SPTB: variants seen among roughly 807,000 people sequenced by gnomAD.
SPTB encodes spectrin beta, erythrocytic.
In SPTB, 45 loss-of-function variants were observed where a neutral mutation model predicts 256.2. The observed-to-expected ratio is 0.18, with a 90% confidence interval of 0.14 to 0.23. The LOEUF is 0.23. Among genes scored for constraint, SPTB ranks in the 10% least tolerant of loss-of-function variants. The pLI is 1.00. For synonymous variants in SPTB, 1,231 were observed against 1,243.1 expected (o/e 0.99, Z 0.21); for missense variants, 2,715 against 3,040.4 (o/e 0.89, Z 2.52).
intron 30 of SPTB, 92 bp from the exon 31 acceptor site, chr14:64,767,444 A>C (rs1056816496): frequency 6.4e-5 from 98 of 1,535,240 alleles, no homozygotes; most frequent in Middle Eastern, 3.4e-4. Context: ...CTGCACCCCC[A>C]CATGCCCTGA....
In SPTB at chr14:64,793,511, T is replaced by C. The variant is rs769054911; in HGVS notation, c.2152A>G (p.Ile718Val). The C allele has an allele frequency of 3.7e-6, 6 of 1,614,148 alleles. No homozygotes were observed. The South Asian group carries it at 6.6e-5, about 18-fold the overall frequency. The change falls in exon 14 of 36, where the codon ATA becomes GTA. Residue 718 changes from isoleucine to valine, a missense_variant. This residue lies in a region of SPTB where 2,239 missense variants were observed against 2,384.4 expected (regional missense o/e 0.94). Coordinates refer to ENST00000644917, the MANE Select transcript of SPTB (RefSeq NM_001355436.2). This position sits in a 1 kb window ranked among gnomAD's most constrained non-coding sequence, Gnocchi z 7.0. ...TCCCACTGTGCCGACACCTCCTTTATGCGGGCCTCGATCTGCGGGTGCCCA... is the reference window on the plus strand; with the variant it reads ...TCCCACTGTGCCGACACCTCCTTTACGCGGGCCTCGATCTGCGGGTGCCCA... ...QFGHPQIEAR[I>V]KEVSAQWDQL...
chr14:64,769,767 G>A (rs781234026), intron 27 of SPTB, 39 bp from the exon 28 acceptor site: 8 of 1,613,650 alleles, frequency 5.0e-6, no homozygotes, highest in Non-Finnish European at 8.5e-7. Flanking sequence ...GGAACTCTGG[G>A]TCACTCTGGC....
At chr14:64,814,022 G>A (rs1310990936) in intron 2 of SPTB, among the ~76,000 whole-genome samples, 1 of 152,216 alleles carries the variant, frequency 6.6e-6, no homozygotes, top group East Asian at 1.9e-4. Context: ...CTGGTTTTGT[G>A]AACAGCGATT....
chr14:64,874,621 G>C (rs1313043750), intron 1 of SPTB, among the ~76,000 whole-genome samples: 1 of 152,106 alleles, frequency 6.6e-6, no homozygotes, highest in Non-Finnish European at 1.5e-5. Context: ...AAACAGGCTG[G>C]GACTCAAAAG....
At chr14:64,770,825 T>C in intron 27 of SPTB, 60 bp downstream of exon 27, 3 of 1,612,478 alleles carry the variant, frequency 1.9e-6, no homozygotes, top group Non-Finnish European at 2.5e-6. Flanking sequence ...AGCACCCTGG[T>C]TGGCCGGGCT....
At position 64,787,157 on chromosome 14, in the gene SPTB, C is replaced by G. The variant is rs199733111; in HGVS notation, c.2808G>C (p.Trp936Cys). Reference protein sequence around the residue: ...KQYQDHLNTRWQAFQTLVSER... With the variant: ...KQYQDHLNTRCQAFQTLVSER... ...CCGACACCAGGGTCTGAAATGCCTG[C>G]CACCTGCCGGATGGGGACACAGCCC... is the stretch of plus-strand genomic sequence containing the variant. The change falls in exon 16 of 36, where the codon TGG (tryptophan) becomes TGC (cysteine). Residue 936 changes from tryptophan (W) to cysteine (C), a missense_variant. Physicochemically the swap from Trp to Cys is radical, Grantham distance 215. This residue lies in a region of SPTB where 2,239 missense variants were observed against 2,384.4 expected (regional missense o/e 0.94). Coordinates refer to ENST00000644917, the MANE Select transcript of SPTB (RefSeq NM_001355436.2). 29 of 1,604,168 alleles carry G rather than the reference C, an allele frequency of 1.8e-5. No homozygotes were observed. The highest frequency in any genetic ancestry group is 3.3e-4 in the Middle Eastern group (2 of 6,080).
chr14:64,802,410 C>T lies in SPTB; in HGVS notation c.475-93G>A, dbSNP rs549558345. 6 of 1,187,366 alleles carry T rather than the reference C, an allele frequency of 5.1e-6. No individual in the cohort carries two copies. The highest frequency in any genetic ancestry group is 1.3e-5 in the South Asian group (1 of 77,798). 73.6% of individuals were successfully genotyped at this position (1,187,366 alleles called of 1,614,324 possible). Reference sequence around the variant, plus strand: ...CTGGGAGGCTCCCTCCCTCATCCCCCCTTCACTTAACACTAATTCATCCTT... The same window carrying T: ...CTGGGAGGCTCCCTCCCTCATCCCCTCTTCACTTAACACTAATTCATCCTT... On this transcript the variant is annotated intron_variant, in intron 4 of 35. Transcript: ENST00000644917. The surrounding 1 kb of genome is among the most constrained non-coding windows in gnomAD (Gnocchi z 5.1).
chr14:64,765,668 G>A (rs1442740571), intron 32 of SPTB, among the ~76,000 whole-genome samples: 1 of 152,252 alleles, frequency 6.6e-6, no homozygotes, highest in Admixed American at 6.5e-5. Context: ...CTGACCCACA[G>A]GCCTCAGGCC....
At chr14:64,859,391 C>T (rs1381869127) in intron 1 of SPTB, among the ~76,000 whole-genome samples, 1 of 152,114 alleles carries the variant, frequency 6.6e-6, no homozygotes, top group Non-Finnish European at 1.5e-5. Context: ...TTATATATTG[C>T]TAAGTTAAAC....
intron 22 of SPTB, among the ~76,000 whole-genome samples, chr14:64,776,608 T>C (rs1238199765): frequency 1.6e-5 from 2 of 128,098 alleles, no homozygotes; most frequent in East Asian, 3.5e-4. Flanking sequence ...ATCTGGCTAA[T>C]TTTTTGTATT....
rs887240065 is a variant in SPTB at position 64,796,493 on chromosome 14, G to A, written c.1341+64C>T. 81 of 1,610,554 alleles carry A rather than the reference G, an allele frequency of 5.0e-5. No homozygotes were observed. In the African/African-American group the frequency reaches 9.9e-4, roughly 20 times the overall value. On this transcript the variant is annotated intron_variant, in intron 11 of 35. Transcript: ENST00000644917. The surrounding 1 kb of genome is among the most constrained non-coding windows in gnomAD (Gnocchi z 4.1). ...AGAAGCCAGCTTGGACTCCAGCCCAGCCAAGAGCTGGGGGCTCTGAAGAAT... is the reference window on the plus strand; with the variant it reads ...AGAAGCCAGCTTGGACTCCAGCCCAACCAAGAGCTGGGGGCTCTGAAGAAT...
At position 64,847,407 on chromosome 14, in the gene SPTB, G is replaced by A. The variant is rs1244900885; in HGVS notation, c.-51-24262C>T. ...AGAGGACCCCGATGTGGGCATCTAGGGGAGAATTTTCCAACCTGTGTCCAG... is the reference window on the plus strand; with the variant it reads ...AGAGGACCCCGATGTGGGCATCTAGAGGAGAATTTTCCAACCTGTGTCCAG... On this transcript the variant is annotated intron_variant, in intron 1 of 35. Transcript: ENST00000644917. The surrounding 1 kb of genome is among the most constrained non-coding windows in gnomAD (Gnocchi z 5.9). 6.6e-6 allele frequency among the ~76,000 whole-genome samples: 1 copy of A among 152,196 alleles called. No individual in the cohort carries two copies. The highest frequency in any genetic ancestry group is 2.4e-5 in the African/African-American group (1 of 41,444).
At position 64,833,387 on chromosome 14, in the gene SPTB, C is replaced by T. The variant is rs184141316; in HGVS notation, c.-51-10242G>A. On this transcript the variant is annotated intron_variant, in intron 1 of 35. Transcript: ENST00000644917. Reference sequence around the variant, plus strand: ...CCAACATGGTGAAACAGAGGCTCTACTAAAAATACAAAAATTAGCTGGGCA... The same window carrying T: ...CCAACATGGTGAAACAGAGGCTCTATTAAAAATACAAAAATTAGCTGGGCA... 7.4e-4 allele frequency among the ~76,000 whole-genome samples: 112 copies of T among 152,134 alleles called. 1 individual carries two copies. The highest frequency in any genetic ancestry group is 6.8e-3 in the Middle Eastern group (2 of 294).
At chr14:64,801,144 T>G (rs2082878055) in intron 7 of SPTB, 141 bp downstream of exon 7, 2 of 727,042 alleles carry the variant, frequency 2.8e-6, no homozygotes, top group Non-Finnish European at 4.7e-6. Context: ...GAGCCTGGCC[T>G]GGCCACTGCC....
chr14:64,870,612 G>C (rs981797522), intron 1 of SPTB, among the ~76,000 whole-genome samples: 1 of 152,198 alleles, frequency 6.6e-6, no homozygotes, highest in African/African-American at 2.4e-5. Context: ...ACAGTGTTCT[G>C]AAACAAACAC....
intron 1 of SPTB, among the ~76,000 whole-genome samples, chr14:64,842,964 G>A (rs1288761231): frequency 6.6e-6 from 1 of 152,110 alleles, no homozygotes; most frequent in Non-Finnish European, 1.5e-5. Flanking sequence ...CTATTTGAGA[G>A]GCTGGGGTGG....
At position 64,792,335 on chromosome 14, in the gene SPTB, C is replaced by T. The variant is rs1006308325; in HGVS notation, c.2667-479G>A. 5.9e-5 allele frequency among the ~76,000 whole-genome samples: 9 copies of T among 152,126 alleles called. No homozygotes were observed. Among genetic ancestry groups the T allele is most frequent in the South Asian group, 2.1e-4 (1 of 4,824 alleles). The stretch of plus-strand genomic sequence containing the variant: ...AAGGAAAAGCTGCTGGGGCGGTGGT[C>T]GGGGGGAATTTGTGGTTCTGAAGGC... On this transcript the variant is annotated intron_variant, in intron 14 of 35. Transcript: ENST00000644917. The surrounding 1 kb of genome is among the most constrained non-coding windows in gnomAD (Gnocchi z 4.2).
chr14:64,779,097 G>A lies in SPTB; in HGVS notation c.4563+60C>T, dbSNP rs1238014340. On this transcript the variant is annotated intron_variant, in intron 22 of 35. Coordinates refer to ENST00000644917, the MANE Select transcript of SPTB (RefSeq NM_001355436.2). The surrounding 1 kb of genome is among the most constrained non-coding windows in gnomAD (Gnocchi z 4.2). The stretch of plus-strand genomic sequence containing the variant: ...GCAGGTCAGGGCTGGGCCTACCCCC[G>A]TGGGGCCAGGTGGGGGTGAGGAGGG... 1.6e-5 allele frequency: 22 copies of A among 1,412,888 alleles called. No individual in the cohort carries two copies. The highest frequency in any genetic ancestry group is 2.1e-5 in the Non-Finnish European group (21 of 1,012,436). 87.5% of individuals were successfully genotyped at this position (1,412,888 alleles called of 1,614,324 possible).
chr14:64,831,916 C>G (rs2139728372), intron 1 of SPTB, among the ~76,000 whole-genome samples: 1 of 152,206 alleles, frequency 6.6e-6, no homozygotes, highest in Non-Finnish European at 1.5e-5. Context: ...AATACCCATA[C>G]AAGGACATAT....
Sources: gnomAD v4.1 joint callset for allele counts (sites outside exome capture counted in the v4.1 genomes callset) on GRCh38, gnomAD v4.1.1 for gene constraint, gnomAD v4.1.1 regional missense constraint, Gnocchi (gnomAD v3.1) non-coding constraint, MANE v1.5 for transcripts, NCBI Gene and HGNC (gene_info 2026-07-23, HGNC 2026-07-21) for gene names.